The following PLEKHA5 variants were observed in gnomAD, a reference collection of about 807,000 sequenced individuals.
PLEKHA5 encodes the protein pleckstrin homology domain containing A5.
Under a neutral mutation model 181.9 loss-of-function variants are expected in PLEKHA5, and 55 were observed. That is an observed-to-expected ratio of 0.30 (90% CI 0.24 to 0.38). The LOEUF is 0.38. Ranked by LOEUF, PLEKHA5 falls within the 10% of genes least tolerant of loss-of-function variation. The pLI is 1.00. For synonymous variants in PLEKHA5, 535 were observed against 529.4 expected (o/e 1.01, Z -0.15); for missense variants, 1,432 against 1,549.5 (o/e 0.92, Z 1.27).
intron 16 of PLEKHA5, among the ~76,000 whole-genome samples, chr12:19,318,339 G>T (rs2089684666): frequency 6.6e-6 from 1 of 151,860 alleles, no homozygotes; most frequent in African/African-American, 2.4e-5. Context: ...TGGCTATAAA[G>T]GATATATCGC....
At chr12:19,301,349 A>AT (rs1420638396) in intron 15 of PLEKHA5, among the ~76,000 whole-genome samples, 1 of 152,100 alleles carries the variant, frequency 6.6e-6, no homozygotes, top group East Asian at 1.9e-4. Context: ...ACAGTAAAAG[A>AT]TTTTTTTTAA....
At position 19,346,890 on chromosome 12, in the gene PLEKHA5, T is replaced by C. The variant is rs187511617; in HGVS notation, c.2710-104T>C. The C allele has an allele frequency of 2.8e-4, 205 of 740,744 alleles. No individual in the cohort carries two copies. In the Middle Eastern group the frequency reaches 4.2e-3, roughly 15 times the overall value. 45.9% of individuals were successfully genotyped at this position (740,744 alleles called of 1,614,324 possible). On this transcript the variant is annotated intron_variant, in intron 23 of 31. Coordinates refer to ENST00000429027, the MANE Select transcript of PLEKHA5 (RefSeq NM_001256470.2). ...ACTTTTGGCTTGGCAGTGTCCCTTT[T>C]AGTATCTTAAAGTAAATTTAAGTTA...
intron 3 of PLEKHA5, among the ~76,000 whole-genome samples, chr12:19,197,873 C>T (rs1413574543): frequency 6.6e-6 from 1 of 151,488 alleles, no homozygotes; most frequent in Non-Finnish European, 1.5e-5. Flanking sequence ...GAGAAAACAA[C>T]TTTGCTGCCT....
chr12:19,230,372 C>A (rs1048966653), intron 3 of PLEKHA5, among the ~76,000 whole-genome samples: 18 of 152,222 alleles, frequency 1.2e-4, no homozygotes, highest in Admixed American at 2.6e-4. Context: ...ACTCCTCAGC[C>A]CTTGGGTGGT....
intron 25 of PLEKHA5, among the ~76,000 whole-genome samples, chr12:19,353,253 A>C (rs1276330960): frequency 6.6e-6 from 1 of 152,102 alleles, no homozygotes; most frequent in African/African-American, 2.4e-5. Flanking sequence ...TCCTGAGTTC[A>C]AGCGATTCTC....
chr12:19,323,846 G>T (rs7952996), intron 20 of PLEKHA5, among the ~76,000 whole-genome samples: 1 of 149,886 alleles, frequency 6.7e-6, no homozygotes, highest in South Asian at 2.1e-4. Flanking sequence ...AGAAATGTAC[G>T]TAACAGAACC....
intron 3 of PLEKHA5, among the ~76,000 whole-genome samples, chr12:19,172,993 TGATTTCC>T (rs2046283442): frequency 1.4e-5 from 2 of 142,306 alleles, no homozygotes; most frequent in Admixed American, 7.4e-5. Context: ...AAATTGCTAC[TGATTTCC>T]CTTTCTTTTT....
chr12:19,227,004 T>C (rs1054523520), intron 3 of PLEKHA5, among the ~76,000 whole-genome samples: 6 of 152,128 alleles, frequency 3.9e-5, no homozygotes, highest in Non-Finnish European at 8.8e-5. Context: ...GTCGGTTATA[T>C]CCTTCCAGTT....
rs2094796323 is a variant in PLEKHA5 at position 19,354,325 on chromosome 12, T to A, written c.3138+323T>A. 2.0e-5 allele frequency among the ~76,000 whole-genome samples: 3 copies of A among 147,598 alleles called. No homozygotes were observed. The South Asian group carries it at 6.4e-4, about 32-fold the overall frequency. Reference sequence around the variant, plus strand: ...CGCCACCACGCCCGGCTAATTTTTTTTGTATTTTTAGTAGAGACGGGGTTT... The same window carrying A: ...CGCCACCACGCCCGGCTAATTTTTTATGTATTTTTAGTAGAGACGGGGTTT... On this transcript the variant is annotated intron_variant, in intron 26 of 31. Coordinates refer to ENST00000429027, the MANE Select transcript of PLEKHA5 (RefSeq NM_001256470.2).
At chr12:19,264,032 A>G (rs1446738584) in intron 7 of PLEKHA5, among the ~76,000 whole-genome samples, 4 of 151,364 alleles carry the variant, frequency 2.6e-5, no homozygotes, top group African/African-American at 9.8e-5. Flanking sequence ...AAGAAGCTGA[A>G]GAACTCAGGA....
At chr12:19,253,914 C>A in intron 3 of PLEKHA5, 26 bp from the exon 4 acceptor site, 1 of 1,288,838 alleles carries the variant, frequency 7.8e-7, no homozygotes, top group Non-Finnish European at 1.1e-6. Context: ...CCTGCATGTT[C>A]TGTTTTTCTT....
intron 15 of PLEKHA5, among the ~76,000 whole-genome samples, chr12:19,299,673 G>T (rs2080913015): frequency 6.6e-6 from 1 of 152,202 alleles, no homozygotes; most frequent in Non-Finnish European, 1.5e-5. Context: ...TTTAAGGGTT[G>T]TTAGGGATTA....
intron 7 of PLEKHA5, among the ~76,000 whole-genome samples, chr12:19,262,882 AAAAC>A (rs1438353469): frequency 4.6e-5 from 7 of 152,314 alleles, no homozygotes; most frequent in East Asian, 1.9e-4. Context: ...AGAAGTTGGA[AAAAC>A]AAACAAACAA....
chr12:19,361,639 G>T lies in PLEKHA5; in HGVS notation c.3541G>T (p.Val1181Leu), dbSNP rs751226669. 5 of 1,579,304 alleles carry T rather than the reference G, an allele frequency of 3.2e-6. No individual in the cohort carries two copies. In the Admixed American group the frequency reaches 8.5e-5, roughly 27 times the overall value. ...GCTTTTTGAACCTGAGCCAAATGGAGTAAATTCTGTGGAAATGATGGATAA... is the reference window on the plus strand; with the variant it reads ...GCTTTTTGAACCTGAGCCAAATGGATTAAATTCTGTGGAAATGATGGATAA... Reference protein sequence around the residue: ...EMLFEPEPNGVNSVEMMDKER... With the variant: ...EMLFEPEPNGLNSVEMMDKER... Residue 1181 changes from valine to leucine, a missense_variant, in exon 29 of 32, where the codon GTA becomes TTA. By Grantham distance (32) the Val-to-Leu change is conservative (BLOSUM62 1). Transcript: ENST00000429027.
intron 3 of PLEKHA5, among the ~76,000 whole-genome samples, chr12:19,231,618 T>TTATTTATGTA (rs2060629552): frequency 6.9e-6 from 1 of 144,238 alleles, no homozygotes. Context: ...ATATAAATAC[T>TTATTTATGTA]CATAAAGCTT....
chr12:19,156,826 C>T (rs1185175803), intron 3 of PLEKHA5, among the ~76,000 whole-genome samples: 1 of 150,150 alleles, frequency 6.7e-6, no homozygotes, highest in Non-Finnish European at 1.5e-5. Context: ...AGGTGGGTCA[C>T]TTGAGATCAG....
intron 10 of PLEKHA5, among the ~76,000 whole-genome samples, chr12:19,272,668 T>G (rs550264295): frequency 1.3e-5 from 2 of 152,100 alleles, no homozygotes; most frequent in African/African-American, 2.4e-5. Context: ...GCCCAGAAAG[T>G]TGAGGTTGCA....
At chr12:19,307,107 T>C in intron 15 of PLEKHA5, 2 of 985,986 alleles carry the variant, frequency 2.0e-6, no homozygotes, top group Non-Finnish European at 3.2e-6. Context: ...TGAGCACTGT[T>C]GGTCCCAAGT....
At chr12:19,328,708 A>G (rs2092534623) in intron 20 of PLEKHA5, among the ~76,000 whole-genome samples, 1 of 152,030 alleles carries the variant, frequency 6.6e-6, no homozygotes, top group Admixed American at 6.6e-5. Context: ...ACTTTCCTGA[A>G]GTCATTTATC....
Sources: allele counts gnomAD v4.1 joint callset (sites outside exome capture counted in the v4.1 genomes callset), GRCh38; gene constraint gnomAD v4.1.1; transcripts MANE v1.5; gene names NCBI Gene and HGNC (gene_info 2026-07-23, HGNC 2026-07-21).